The following MED12L variants were observed in gnomAD, a reference collection of about 807,000 sequenced individuals.
MED12L encodes mediator complex subunit 12L.
Under a neutral mutation model 281.3 loss-of-function variants are expected in MED12L, and 60 were observed. That is an observed-to-expected ratio of 0.21 (90% confidence interval 0.17 to 0.26). The LOEUF (loss-of-function observed/expected upper bound fraction) is 0.26, where lower values mean the gene tolerates loss of function less well. MED12L is among the 10% of genes least tolerant of loss of function. The probability of loss-of-function intolerance (pLI) is 1.00; values close to 1 mark genes in which losing one functional copy is unlikely to be tolerated. For synonymous variants in MED12L, 974 were observed against 987.2 expected, an observed-to-expected ratio of 0.99 and a Z score of 0.25; for missense variants, 2,146 against 2,680.9, an observed-to-expected ratio of 0.80 and a Z score of 4.41.
intron 16 of MED12L, chr3:151,337,511 T>A: frequency 3.4e-6 from 1 of 296,752 alleles, no homozygotes; most frequent in Non-Finnish European, 6.3e-6. Context: ...CAGTAAATAT[T>A]ATATGATTAC....
At chr3:151,242,217 A>G (rs1734290805) in intron 16 of MED12L, among the ~76,000 whole-genome samples, 1 of 152,162 alleles carries the variant, frequency 6.6e-6, no homozygotes, top group Non-Finnish European at 1.5e-5. Context: ...GCCATTGCCC[A>G]GGCTTGATTA....
At chr3:151,395,971 A>T (rs1489641205) in intron 39 of MED12L, among the ~76,000 whole-genome samples, 1 of 152,206 alleles carries the variant, frequency 6.6e-6, no homozygotes, top group Non-Finnish European at 1.5e-5. Flanking sequence ...TATAAGGACA[A>T]GAGAGAAGAA....
intron 39 of MED12L, among the ~76,000 whole-genome samples, chr3:151,400,517 C>A (rs191305398): frequency 6.6e-6 from 1 of 152,106 alleles, no homozygotes; most frequent in East Asian, 1.9e-4. Flanking sequence ...GTACATGTAG[C>A]GACTTGTAAA....
Position 151,436,245 on chromosome 3 carries a change from A to G in MED12L, c.*3441A>G, listed in dbSNP as rs1720187860. 1 of 154,362 alleles carries G rather than the reference A, an allele frequency of 6.5e-6. No homozygotes were observed. Among genetic ancestry groups the G allele is most frequent in the African/African-American group, 2.4e-5 (1 of 41,370 alleles). 9.6% of individuals were successfully genotyped at this position (154,362 alleles called of 1,614,324 possible). On this transcript the variant is annotated 3_prime_UTR_variant, in exon 45 of 45. Coordinates refer to ENST00000687756, the MANE Select transcript of MED12L (RefSeq NM_001393769.1). ...CAAAAAAATTTATAAACCACAAAAT[A>G]TTTATACATCAGGATGGTAAATTTA...
chr3:151,085,704 A>C lies in MED12L; in HGVS notation c.-362A>C, dbSNP rs1719052006. 6.6e-6 allele frequency: 1 copy of C among 151,736 alleles called. No individual in the cohort carries two copies. Among genetic ancestry groups the C allele is most frequent in the African/African-American group, 2.4e-5 (1 of 41,332 alleles). The allele number at this position is 151,736 out of a possible 1,614,324, so 9.4% of individuals were successfully genotyped here. ...GCCGCGCCGCCGTCCGCCAACTCGG[A>C]AGCTCGCGCTCCCGGGCCGTGGGGG... On this transcript the variant is annotated 5_prime_UTR_variant, in exon 1 of 45. Transcript: ENST00000687756.
chr3:151,178,895 TTTATA>T (rs1435940651), intron 11 of MED12L, among the ~76,000 whole-genome samples: 2 of 152,210 alleles, frequency 1.3e-5, no homozygotes, highest in African/African-American at 4.8e-5. Flanking sequence ...TGCAAGTTAT[TTTATA>T]TTAAATTTTC....
intron 17 of MED12L, among the ~76,000 whole-genome samples, chr3:151,350,673 C>T (rs564479620): frequency 6.6e-6 from 1 of 152,196 alleles, no homozygotes; most frequent in South Asian, 2.1e-4. Flanking sequence ...TATTTGCTCA[C>T]CTTTTCTTGC....
At chr3:151,364,136 A>G (rs900184862) in intron 21 of MED12L, among the ~76,000 whole-genome samples, 1 of 152,182 alleles carries the variant, frequency 6.6e-6, no homozygotes, top group Non-Finnish European at 1.5e-5. Flanking sequence ...TGGATATGCT[A>G]CCTACAGAAG....
chr3:151,320,123 C>T (rs946460977), intron 16 of MED12L, among the ~76,000 whole-genome samples: 3 of 152,128 alleles, frequency 2.0e-5, no homozygotes, highest in Non-Finnish European at 4.4e-5. Flanking sequence ...TTTGGCTTTT[C>T]TGCATTGGTG....
intron 5 of MED12L, 24 bp downstream of exon 5, chr3:151,128,008 C>T (rs7427471): frequency 6.3e-7 from 1 of 1,587,816 alleles, no homozygotes; most frequent in Non-Finnish European, 8.6e-7. Context: ...TACAATACAC[C>T]TTACATTTCA....
rs566048803 is a variant in MED12L at position 151,238,741 on chromosome 3, G to A, written c.2250+45075G>A. ...CCAATTGCTTAATAAAGCAATACTA[G>A]TTTTTATTAAATCTCAACCATAAAA... On this transcript the variant is annotated intron_variant, in intron 16 of 44. Coordinates refer to ENST00000687756, the MANE Select transcript of MED12L (RefSeq NM_001393769.1). Among the ~76,000 whole-genome samples the A allele has an allele frequency of 3.8e-3, 576 of 152,196 alleles. 2 individuals are homozygous for A. The highest frequency in any genetic ancestry group is 0.013 in the African/African-American group (539 of 41,530).
chr3:151,237,404 T>A (rs1733125414), intron 16 of MED12L, among the ~76,000 whole-genome samples: 1 of 131,208 alleles, frequency 7.6e-6, no homozygotes, highest in Non-Finnish European at 1.6e-5. Flanking sequence ...AGCTGGAGTG[T>A]GGTGGCACGA....
rs1286720186 is a variant in MED12L, at chr3:151,164,050, TTA to T, written c.1257+10_1257+11del. On this transcript the variant is annotated intron_variant, in intron 9 of 44. Transcript: ENST00000687756. ...ACGGCTTTCAATCAGCAGGTAGACTTTATGTTTCAGTGATTTGATGGCTGTTT... is the reference window on the plus strand; with the variant it reads ...ACGGCTTTCAATCAGCAGGTAGACTTTGTTTCAGTGATTTGATGGCTGTTT... 1 of 1,611,738 alleles carries T rather than the reference TTA, an allele frequency of 6.2e-7. No individual in the cohort carries two copies. Among genetic ancestry groups the T allele is most frequent in the Admixed American group, 1.7e-5 (1 of 59,712 alleles).
chr3:151,213,320 C>A, intron 16 of MED12L: 1 of 1,609,978 alleles, frequency 6.2e-7, no homozygotes, highest in Non-Finnish European at 8.5e-7. Context: ...TCTGTGCTTT[C>A]AAGTGTTGTA....
chr3:151,159,684 C>T (rs2148952411), intron 7 of MED12L, 148 bp from the exon 8 acceptor site: 2 of 677,370 alleles, frequency 3.0e-6, no homozygotes, highest in South Asian at 6.2e-5. Context: ...ATACGTGTGG[C>T]TCACATTCTA....
At chr3:151,198,901 A>G in intron 16 of MED12L, 1 of 1,614,052 alleles carries the variant, frequency 6.2e-7, no homozygotes, top group Non-Finnish European at 8.5e-7. Context: ...TACAACCCAC[A>G]TTTGACTTTT....
At chr3:151,355,451 T>C (rs1033035654) in intron 18 of MED12L, among the ~76,000 whole-genome samples, 1 of 152,312 alleles carries the variant, frequency 6.6e-6, no homozygotes, top group East Asian at 1.9e-4. Context: ...TTTGTCCTTA[T>C]GATAATAATC....
At chr3:151,255,304 T>TGCA (rs557490345) in intron 16 of MED12L, among the ~76,000 whole-genome samples, 3 of 152,290 alleles carry the variant, frequency 2.0e-5, no homozygotes, top group African/African-American at 7.2e-5. Flanking sequence ...GTACCCTTCA[T>TGCA]GTGTGACATG....
At chr3:151,312,247 A>G (rs577016877) in intron 16 of MED12L, among the ~76,000 whole-genome samples, 29 of 152,330 alleles carry the variant, frequency 1.9e-4, no homozygotes, top group Non-Finnish European at 3.1e-4. Context: ...TCAAATGCCT[A>G]CAGTCTAGAG....
Sources: allele counts gnomAD v4.1 joint callset (sites outside exome capture counted in the v4.1 genomes callset), GRCh38; gene constraint gnomAD v4.1.1; transcripts MANE v1.5; gene names NCBI Gene and HGNC (gene_info 2026-07-23, HGNC 2026-07-21).